The following GRIK2 variants were observed in gnomAD, a reference collection of about 807,000 sequenced individuals.
GRIK2 encodes the protein glutamate receptor ionotropic, kainate 2.
In GRIK2, 32 loss-of-function variants were observed where a neutral mutation model predicts 100.3. That is an observed-to-expected ratio of 0.32 (90% CI 0.24 to 0.43). The LOEUF (loss-of-function observed/expected upper bound fraction) is 0.43, where lower values mean the gene tolerates loss of function less well. Ranked by LOEUF, GRIK2 falls within the 20% of genes least tolerant of loss-of-function variation. The pLI, the probability that GRIK2 is intolerant of heterozygous loss-of-function variation, is 1.00. For synonymous variants in GRIK2, 417 were observed against 389.4 expected (o/e 1.07, Z -0.83); for missense variants, 843 against 1,114.9 (o/e 0.76, Z 3.47).
chr6:101,742,475 C>T (rs1776099925), intron 7 of GRIK2, among the ~76,000 whole-genome samples: 1 of 152,082 alleles, frequency 6.6e-6, no homozygotes, highest in African/African-American at 2.4e-5. Flanking sequence ...CATGACACAG[C>T]CCTTAAGAGG....
chr6:101,478,509 T>G (rs1329251383), intron 2 of GRIK2, among the ~76,000 whole-genome samples: 16 of 146,106 alleles, frequency 1.1e-4, no homozygotes, highest in East Asian at 9.9e-4. Flanking sequence ...TGTTTTGGTT[T>G]TTTTTTTTTT....
chr6:101,517,290 TAA>T (rs1410959623), intron 2 of GRIK2, among the ~76,000 whole-genome samples: 2 of 152,090 alleles, frequency 1.3e-5, no homozygotes, highest in East Asian at 1.9e-4. Flanking sequence ...TGTAAAACTT[TAA>T]GAAAGTCACT....
chr6:101,417,785 G>T (rs2128239503), intron 2 of GRIK2, among the ~76,000 whole-genome samples: 1 of 152,332 alleles, frequency 6.6e-6, no homozygotes, highest in South Asian at 2.1e-4. Context: ...TGGTCAGAAA[G>T]ATTGGGATTC....
intron 14 of GRIK2, among the ~76,000 whole-genome samples, chr6:102,034,958 T>C (rs1770187090): frequency 6.6e-6 from 1 of 151,236 alleles, no homozygotes; most frequent in African/African-American, 2.4e-5. Flanking sequence ...TCTTCCACGT[T>C]TGTTGTAAAG....
intron 7 of GRIK2, among the ~76,000 whole-genome samples, chr6:101,723,399 TAAAAATAA>T (rs1334805061): frequency 6.6e-6 from 1 of 151,996 alleles, no homozygotes; most frequent in Non-Finnish European, 1.5e-5. Context: ...ATCTAAGATT[TAAAAATAA>T]AAGAAAATTA....
At chr6:101,830,597 A>C (rs1782614458) in intron 10 of GRIK2, among the ~76,000 whole-genome samples, 1 of 152,078 alleles carries the variant, frequency 6.6e-6, no homozygotes. Context: ...GAAGCCAACA[A>C]GCATATGAAC....
At chr6:102,053,091 A>AACACACAC (rs148536098) in intron 15 of GRIK2, among the ~76,000 whole-genome samples, 41,061 of 149,146 alleles carry the variant, frequency 0.28, 5,827 homozygotes, top group Non-Finnish European at 0.33. Flanking sequence ...CAACAACAAC[A>AACACACAC]ACACACACAC....
chr6:101,762,341 A>C (rs963443567), intron 7 of GRIK2, among the ~76,000 whole-genome samples: 3 of 151,806 alleles, frequency 2.0e-5, no homozygotes, highest in Non-Finnish European at 2.9e-5. Context: ...AGCCTGGCTA[A>C]TTTTTTTATT....
intron 2 of GRIK2, among the ~76,000 whole-genome samples, chr6:101,585,324 T>C (rs1169368696): frequency 6.6e-6 from 1 of 152,086 alleles, no homozygotes; most frequent in East Asian, 1.9e-4. Context: ...TATGTGAGTA[T>C]GAGTATGTGT....
At chr6:101,398,719 A>G in intron 1 of GRIK2, 1 of 307,052 alleles carries the variant, frequency 3.3e-6, no homozygotes, top group Non-Finnish European at 5.9e-6. Context: ...CTTTCTTGCA[A>G]CTCAAGGCGG....
At chr6:102,035,722 G>A (rs999317474) in intron 15 of GRIK2, among the ~76,000 whole-genome samples, 156 bp downstream of exon 15, 1 of 151,182 alleles carries the variant, frequency 6.6e-6, no homozygotes, top group Non-Finnish European at 1.5e-5. Flanking sequence ...TTATCATTTT[G>A]GACATATTCT....
chr6:101,399,437 G>A, intron 2 of GRIK2, 45 bp downstream of exon 2: 1 of 947,014 alleles, frequency 1.1e-6, no homozygotes, highest in East Asian at 2.4e-5. Flanking sequence ...CCGCTCCCAG[G>A]CAGCCGGATG....
At chr6:101,806,594 T>TTCTGCC (rs1377910894) in intron 9 of GRIK2, among the ~76,000 whole-genome samples, 1 of 151,300 alleles carries the variant, frequency 6.6e-6, no homozygotes, top group Non-Finnish European at 1.5e-5. Context: ...CATCATGTTC[T>TTCTGCC]CAGATATTTT....
Position 101,682,461 on chromosome 6 carries a change from A to T in GRIK2, c.724-92A>T, listed in dbSNP as rs376600724. 6.3e-5 allele frequency: 45 copies of T among 710,768 alleles called. No homozygotes were observed. The East Asian group carries it at 8.3e-4, about 13-fold the overall frequency. The allele number at this position is 710,768 out of a possible 1,614,324, so 44.0% of individuals were successfully genotyped here. On this transcript the variant is annotated intron_variant, in intron 5 of 16. Transcript: ENST00000369134. ...CATGAATATTGTAGGTTGATTCTTT[A>T]TCACATCCTACTATATTTTGTTCTC...
chr6:101,534,186 T>C (rs780459045), intron 2 of GRIK2, among the ~76,000 whole-genome samples: 10 of 151,860 alleles, frequency 6.6e-5, no homozygotes, highest in Non-Finnish European at 1.3e-4. Context: ...AGCCTTAGTC[T>C]GCTTTCAGTA....
intron 10 of GRIK2, among the ~76,000 whole-genome samples, chr6:101,832,709 G>A (rs1782782623): frequency 6.6e-6 from 1 of 152,180 alleles, no homozygotes; most frequent in Non-Finnish European, 1.5e-5. Flanking sequence ...CTGTTTTTCT[G>A]TAATATACAT....
At position 101,813,017 on chromosome 6, in the gene GRIK2, A is replaced by G. The variant is rs1781429658; in HGVS notation, c.1204-5353A>G. On this transcript the variant is annotated intron_variant, in intron 9 of 16. Coordinates refer to ENST00000369134, the MANE Select transcript of GRIK2 (RefSeq NM_021956.5). ...AGGTAACATATTTTGCAAAAAGTTC[A>G]TATATACATGATATACACATCCGTA... is the stretch of plus-strand genomic sequence containing the variant. Among the ~76,000 whole-genome samples, 8 of 151,166 alleles carry G rather than the reference A, an allele frequency of 5.3e-5. 1 individual carries two copies. In the South Asian group the frequency reaches 1.7e-3, roughly 32 times the overall value.
chr6:101,882,596 C>A (rs1218317254), intron 11 of GRIK2, among the ~76,000 whole-genome samples: 3 of 151,926 alleles, frequency 2.0e-5, no homozygotes, highest in East Asian at 3.9e-4. Context: ...TCATGCCCTA[C>A]AAGTGTGAGG....
chr6:101,482,409 G>A (rs1437390342), intron 2 of GRIK2, among the ~76,000 whole-genome samples: 1 of 151,790 alleles, frequency 6.6e-6, no homozygotes, highest in Non-Finnish European at 1.5e-5. Flanking sequence ...CAAAAGATGG[G>A]GATCCACACT....
Sources: gnomAD v4.1 joint callset for allele counts (sites outside exome capture counted in the v4.1 genomes callset) on GRCh38, gnomAD v4.1.1 for gene constraint, MANE v1.5 for transcripts, NCBI Gene and HGNC (gene_info 2026-07-23, HGNC 2026-07-21) for gene names.